The following NME7 variants were observed in gnomAD, a reference collection of about 807,000 sequenced individuals.
NME7 encodes nucleoside diphosphate kinase 7.
NME7 carries 41 observed loss-of-function variants against 49.1 expected under a neutral mutation model. That is an observed-to-expected ratio of 0.83 (90% CI 0.65 to 1.08). The LOEUF (loss-of-function observed/expected upper bound fraction) is 1.08. NME7 is among the 50% of genes least tolerant of loss of function. The pLI is 0.00. For missense variants in NME7, 423 were observed against 463.4 expected, an observed-to-expected ratio of 0.91 and a Z score of 0.80; for synonymous variants, 139 against 150.6, an observed-to-expected ratio of 0.92 and a Z score of 0.56.
At chr1:169,355,229 AATATATAATATATTATATATTATATCT>A (rs1653405304) in intron 1 of NME7, among the ~76,000 whole-genome samples, 1 of 38,310 alleles carries the variant, frequency 2.6e-5, no homozygotes, top group Non-Finnish European at 5.5e-5. Context: ...TTATAGATAT[AATATATAATATATTATATATTATATCT>A]ATATATAATA....
In NME7 at chr1:169,323,138, T is replaced by A; in HGVS notation, c.257A>T (p.Gln86Leu). The A allele has an allele frequency of 6.4e-7, 1 of 1,574,256 alleles. No homozygotes were observed. Among genetic ancestry groups the A allele is most frequent in the Non-Finnish European group, 8.6e-7 (1 of 1,163,882 alleles). The change falls in exon 3 of 12, where the codon CAG becomes CTG. Residue 86 changes from glutamine (Q) to leucine (L), a missense_variant. By Grantham distance (113) the Gln-to-Leu change is moderately radical (BLOSUM62 -2). Transcript: ENST00000367811. ...TTACTTTTCTTTCCTACTGCCCAGC[T>A]GGCGAGCTGTATATTGATCCCCATA... Reference protein sequence around the residue: ...IDYGDQYTARQLGSRKEKTLA... With the variant: ...IDYGDQYTARLLGSRKEKTLA...
At chr1:169,151,054 A>G (rs904391591) in intron 11 of NME7, among the ~76,000 whole-genome samples, 2 of 152,250 alleles carry the variant, frequency 1.3e-5, no homozygotes, top group African/African-American at 2.4e-5. Flanking sequence ...GCACAAAAAC[A>G]GGCAGCAAGG....
At position 169,166,864 on chromosome 1, in the gene NME7, C is replaced by T. The variant is rs532048459; in HGVS notation, c.1098+2583G>A. ...GCATGCACCTGTAATCCCAGCTATGCAGGAGGCTGAGGCTGGAGAAATGCT... is the reference window on the plus strand; with the variant it reads ...GCATGCACCTGTAATCCCAGCTATGTAGGAGGCTGAGGCTGGAGAAATGCT... On this transcript the variant is annotated intron_variant, in intron 11 of 11. Transcript: ENST00000367811. Among the ~76,000 whole-genome samples the T allele has an allele frequency of 6.6e-5, 10 of 152,218 alleles. No individual in the cohort carries two copies. In the South Asian group the frequency reaches 1.9e-3, roughly 28 times the overall value.
At chr1:169,168,552 C>G (rs1371651334) in intron 11 of NME7, among the ~76,000 whole-genome samples, 1 of 152,174 alleles carries the variant, frequency 6.6e-6, no homozygotes. Flanking sequence ...CCACTTAAGC[C>G]TCCCAAGTTG....
chr1:169,300,863 G>A (rs564796692), intron 5 of NME7, among the ~76,000 whole-genome samples: 12 of 152,202 alleles, frequency 7.9e-5, no homozygotes, highest in African/African-American at 2.6e-4. Flanking sequence ...AAATGGTGCT[G>A]GGATACCTGT....
chr1:169,314,901 T>C (rs1651554429), intron 3 of NME7, among the ~76,000 whole-genome samples: 5 of 152,174 alleles, frequency 3.3e-5, no homozygotes, highest in Admixed American at 3.3e-4. Flanking sequence ...CCAGTGCAGC[T>C]ATAGTAATAT....
chr1:169,270,822 GAAGT>G (rs1232607038), intron 7 of NME7, among the ~76,000 whole-genome samples: 1 of 133,546 alleles, frequency 7.5e-6, no homozygotes, highest in Non-Finnish European at 1.8e-5. Flanking sequence ...AGAAAGAGAT[GAAGT>G]AATTAATCCA....
At chr1:169,316,489 GTATAAA>G (rs1343338632) in intron 3 of NME7, among the ~76,000 whole-genome samples, 1 of 152,066 alleles carries the variant, frequency 6.6e-6, no homozygotes, top group Non-Finnish European at 1.5e-5. Context: ...TCTCCAGAAC[GTATAAA>G]TATATTACCT....
intron 10 of NME7, among the ~76,000 whole-genome samples, chr1:169,212,226 C>T (rs912987636): frequency 2.6e-5 from 4 of 151,924 alleles, no homozygotes; most frequent in Non-Finnish European, 5.9e-5. Context: ...AAATTAGTTG[C>T]TATTTACTTT....
intron 10 of NME7, among the ~76,000 whole-genome samples, chr1:169,188,584 A>T (rs1302870283): frequency 6.6e-6 from 1 of 152,236 alleles, no homozygotes; most frequent in Non-Finnish European, 1.5e-5. Flanking sequence ...GCATGTGGAC[A>T]TACAATAACC....
At chr1:169,278,118 C>T (rs1363466969) in intron 7 of NME7, among the ~76,000 whole-genome samples, 2 of 151,322 alleles carry the variant, frequency 1.3e-5, no homozygotes, top group Non-Finnish European at 2.9e-5. Flanking sequence ...CTGCCCTTAA[C>T]ATTTTTTCCT....
intron 1 of NME7, among the ~76,000 whole-genome samples, chr1:169,327,362 T>G (rs1473840257): frequency 6.6e-6 from 1 of 152,246 alleles, no homozygotes; most frequent in Non-Finnish European, 1.5e-5. Flanking sequence ...TTTTCCTCTT[T>G]TGAACATTTT....
chr1:169,361,231 A>T (rs1395567925), intron 1 of NME7, among the ~76,000 whole-genome samples: 2 of 152,250 alleles, frequency 1.3e-5, no homozygotes, highest in Admixed American at 1.3e-4. Context: ...CATGAAAAAA[A>T]TTATGGCATT....
In NME7 at chr1:169,362,349, A is replaced by C. The variant is rs1476810194; in HGVS notation, c.3+5359T>G. On this transcript the variant is annotated intron_variant, in intron 1 of 11. Transcript: ENST00000367811. Reference sequence around the variant, plus strand: ...GTTCATCTGGAGTAATGATATTCTAATAAATGCTATATTTTAGAAGATACA... The same window carrying C: ...GTTCATCTGGAGTAATGATATTCTACTAAATGCTATATTTTAGAAGATACA... Among the ~76,000 whole-genome samples the C allele has an allele frequency of 3.3e-5, 5 of 152,354 alleles. No homozygotes were observed. The East Asian group carries it at 9.6e-4, about 29-fold the overall frequency.
intron 10 of NME7, among the ~76,000 whole-genome samples, chr1:169,209,727 A>G (rs1385625206): frequency 2.6e-5 from 4 of 152,118 alleles, no homozygotes; most frequent in African/African-American, 9.6e-5. Context: ...AAACTAGTTA[A>G]TGTGGCCTTC....
At chr1:169,290,731 C>A (rs1213598108) in intron 6 of NME7, among the ~76,000 whole-genome samples, 1 of 152,092 alleles carries the variant, frequency 6.6e-6, no homozygotes, top group African/African-American at 2.4e-5. Flanking sequence ...GAACAGGCAA[C>A]CTATAGAATG....
At chr1:169,223,849 T>A (rs718031) in intron 10 of NME7, among the ~76,000 whole-genome samples, 10,630 of 152,150 alleles carry the variant, frequency 0.07, 1,477 homozygotes, top group East Asian at 0.66. Flanking sequence ...ATTTATATCT[T>A]TTATTTCTAC....
intron 5 of NME7, among the ~76,000 whole-genome samples, chr1:169,301,443 A>T (rs2101910028): frequency 6.6e-6 from 1 of 152,310 alleles, no homozygotes; most frequent in South Asian, 2.1e-4. Flanking sequence ...AAGACTATAG[A>T]GGAAAGAGAA....
At chr1:169,194,414 A>G (rs1660314565) in intron 10 of NME7, among the ~76,000 whole-genome samples, 1 of 152,214 alleles carries the variant, frequency 6.6e-6, no homozygotes, top group Non-Finnish European at 1.5e-5. Context: ...GCCAAAACTC[A>G]GTTTATCTGA....
Sources: allele counts gnomAD v4.1 joint callset (sites outside exome capture counted in the v4.1 genomes callset), GRCh38; gene constraint gnomAD v4.1.1; transcripts MANE v1.5; gene names NCBI Gene and HGNC (gene_info 2026-07-23, HGNC 2026-07-21).